ARRDC2: variants seen among roughly 807,000 people sequenced by gnomAD.
ARRDC2 encodes arrestin domain containing 2, also known as arrestin domain-containing protein 2.
ARRDC2 carries 39 observed loss-of-function variants against 38.9 expected under a neutral mutation model. The ratio of observed to expected loss-of-function variants is 1.00; its 90% CI spans 0.78 to 1.31. ARRDC2 has a LOEUF of 1.31. ARRDC2 is among the 50% of genes most tolerant of loss of function. The probability of loss-of-function intolerance (pLI) is 0.00; values close to 1 mark genes in which losing one functional copy is unlikely to be tolerated. For synonymous variants in ARRDC2, 300 were observed against 261.9 expected, an observed-to-expected ratio of 1.15 and a Z score of -1.41; for missense variants, 553 against 588.4, an observed-to-expected ratio of 0.94 and a Z score of 0.62.
Position 18,010,609 on chromosome 19 carries a change from G to C in ARRDC2, c.1050G>C (p.Glu350Asp). 6.2e-7 allele frequency: 1 copy of C among 1,613,852 alleles called. No homozygotes were observed. Among genetic ancestry groups the C allele is most frequent in the Non-Finnish European group, 8.5e-7 (1 of 1,179,988 alleles). ...PEYSEVVADT[E>D]EAALGQSPFP... ...ACTCGGAGGTGGTAGCCGACACTGA[G>C]GAGGCAGCCTTGGGGCAGAGCCCCT... The change falls in exon 7 of 8, where the codon GAG becomes GAC. Residue 350 changes from glutamate to aspartate, a missense_variant. By Grantham distance (45) the Glu-to-Asp change is conservative. Around this residue, in one of 3 missense-constraint regions of ARRDC2, gnomAD observed 100 missense variants for 107.6 expected, o/e 0.93. Coordinates refer to ENST00000222250, the MANE Select transcript of ARRDC2 (RefSeq NM_015683.2).
At position 18,010,006 on chromosome 19, in the gene ARRDC2, C is replaced by A. The variant is rs746198633; in HGVS notation, c.816C>A (p.His272Gln). ...CCCCAGTGGGTCCTTCCATCCTGCA[C>A]TGCCGCGTTCTACACGTGGACTACG... ...RIPPVGPSIL[H>Q]CRVLHVDYAL... The change falls in exon 5 of 8, where the codon CAC becomes CAA. Residue 272 changes from histidine (H) to glutamine (Q), a missense_variant. Physicochemically the swap from His to Gln is conservative, Grantham distance 24 (BLOSUM62 0). Coordinates refer to ENST00000222250, the MANE Select transcript of ARRDC2 (RefSeq NM_015683.2). The A allele has an allele frequency of 2.3e-5, 37 of 1,601,960 alleles. No individual in the cohort carries two copies. Among genetic ancestry groups the A allele is most frequent in the Non-Finnish European group, 2.5e-5 (29 of 1,179,774 alleles).
In ARRDC2 at chr19:18,009,922, G is replaced by A. The variant is rs543819888; in HGVS notation, c.732G>A (p.Ala244=). 2.2e-5 allele frequency: 36 copies of A among 1,606,366 alleles called. No individual in the cohort carries two copies. Among genetic ancestry groups the A allele is most frequent in the African/African-American group, 1.2e-4 (9 of 74,986 alleles). The change falls in exon 5 of 8, where the codon GCG becomes GCA. Residue 244 remains alanine (A), a synonymous_variant. Coordinates refer to ENST00000222250, the MANE Select transcript of ARRDC2 (RefSeq NM_015683.2). ...KQKRAVVASL[A]GEPVGPGQRA... is the part of the protein sequence containing the mutation. ...AACGGGCAGTGGTGGCCAGCCTCGC[G>A]GGCGAGCCGGTGGGCCCCGGGCAGC... is the stretch of plus-strand genomic sequence containing the variant.
chr19:18,001,204 G>C (rs1051442351), exon 1 of ARRDC2: 20 of 1,077,602 alleles, frequency 1.9e-5, no homozygotes, highest in Non-Finnish European at 2.2e-5. Context: ...GGGGCCCGGA[G>C]GAAGCTTGGG....
At position 18,013,035 on chromosome 19, in the gene ARRDC2, G is replaced by T; in HGVS notation, c.*69G>T. On this transcript the variant is annotated 3_prime_UTR_variant, in exon 8 of 8. Coordinates refer to ENST00000222250, the MANE Select transcript of ARRDC2 (RefSeq NM_015683.2). Reference sequence around the variant, plus strand: ...TCAGCCACCATGACTGTGGGGAGTGGCTGGACCAAGGGCTGACCTCCCCGA... The same window carrying T: ...TCAGCCACCATGACTGTGGGGAGTGTCTGGACCAAGGGCTGACCTCCCCGA... The T allele has an allele frequency of 6.5e-7, 1 of 1,548,416 alleles. No homozygotes were observed.
In ARRDC2 at chr19:18,009,765, C is replaced by T. The variant is rs763774506; in HGVS notation, c.593-18C>T. 3.7e-6 allele frequency: 6 copies of T among 1,613,128 alleles called. No homozygotes were observed. The highest frequency in any genetic ancestry group is 5.1e-6 in the Non-Finnish European group (6 of 1,179,802). The stretch of plus-strand genomic sequence containing the variant: ...GTTGCAGGAGGGGAAACTGAGGCCC[C>T]ACTGCTCCTTGCTGCAGGAGAGGTC... On this transcript the variant is annotated intron_variant, in intron 4 of 7. Coordinates refer to ENST00000222250, the MANE Select transcript of ARRDC2 (RefSeq NM_015683.2).
chr19:18,010,713 C>A lies in ARRDC2; in HGVS notation c.1154C>A (p.Pro385Gln). 6.2e-7 allele frequency: 1 copy of A among 1,613,848 alleles called. No homozygotes were observed. The highest frequency in any genetic ancestry group is 1.1e-5 in the South Asian group (1 of 91,092). Residue 385 changes from proline to glutamine, a missense_variant, in exon 7 of 8, where the codon CCA becomes CAA. Pro to Gln is a moderately conservative substitution (Grantham distance 76). Transcript: ENST00000222250. The part of the protein sequence containing the change: ...AYIQEFRYRP[P>Q]PLYSEEDPNP... ...ATCCAAGAGTTCCGCTACCGCCCGC[C>A]ACCCCTGTACTCTGAGGTGAGCTCA...
chr19:18,010,468 C>G lies in ARRDC2; in HGVS notation c.1013-104C>G, dbSNP rs137999515. 1.9e-4 allele frequency: 296 copies of G among 1,553,946 alleles called. No individual in the cohort carries two copies. The African/African-American group carries it at 3.3e-3, about 18-fold the overall frequency. On this transcript the variant is annotated intron_variant, in intron 6 of 7. Coordinates refer to ENST00000222250, the MANE Select transcript of ARRDC2 (RefSeq NM_015683.2). ...CCCGGAATCCCAACCAAAGGACATA[C>G]AGCCTGGCAGCCCCAGAGCTGGCAC...
chr19:18,010,441 C>G, intron 6 of ARRDC2, 83 bp downstream of exon 6: 2 of 1,556,960 alleles, frequency 1.3e-6, no homozygotes, highest in Non-Finnish European at 1.7e-6. Context: ...CACCACGAGT[C>G]CCCCGGAATC....
upstream of ARRDC2, among the ~76,000 whole-genome samples, chr19:18,005,409 A>C (rs1201876178): frequency 2.0e-5 from 3 of 152,122 alleles, no homozygotes; most frequent in South Asian, 2.1e-4. Context: ...CAGACACGGC[A>C]ACCATCCGAT....
At chr19:18,012,217 C>T (rs975232283) in intron 7 of ARRDC2, among the ~76,000 whole-genome samples, 13 of 151,558 alleles carry the variant, frequency 8.6e-5, no homozygotes, top group African/African-American at 2.9e-4. Context: ...CCTTGACCTC[C>T]CAGAATGCTG....
At chr19:18,003,340 C>T (rs1187478931), upstream of ARRDC2, among the ~76,000 whole-genome samples, 1 of 152,040 alleles carries the variant, frequency 6.6e-6, no homozygotes, top group Non-Finnish European at 1.5e-5. Context: ...GATCTCGGCT[C>T]ACTGCAACCT....
rs2033383645 is a variant in ARRDC2, at chr19:18,010,210, C to G, written c.864C>G (p.Ile288Met). The G allele has an allele frequency of 6.2e-7, 1 of 1,613,488 alleles. No homozygotes were observed. Among genetic ancestry groups the G allele is most frequent in the Non-Finnish European group, 8.5e-7 (1 of 1,179,872 alleles). ...CCTTCCTCCAGGTCTGTGTGGATAT[C>G]CCAGGAACGTCCAAGCTGCTGCTGG... ...VDYALKVCVD[I>M]PGTSKLLLEL... The change falls in exon 6 of 8, where the codon ATC (isoleucine) becomes ATG (methionine). Residue 288 changes from isoleucine to methionine, a missense_variant. Ile to Met is a conservative substitution (Grantham distance 10). Coordinates refer to ENST00000222250, the MANE Select transcript of ARRDC2 (RefSeq NM_015683.2).
rs563100760 is a variant in ARRDC2 at position 18,009,090 on chromosome 19, C to T, written c.461C>T (p.Pro154Leu). ...AGGAAGGTGTTCACTGTCATCGAGC[C>T]TGTGGACATCAACACGCCAGCCCTG... ...RARKVFTVIEPVDINTPALLA... is the reference protein window; with the variant it reads ...RARKVFTVIELVDINTPALLA... Residue 154 changes from proline (P) to leucine (L), a missense_variant, in exon 3 of 8, where the codon CCT (proline) becomes CTT (leucine). Physicochemically the swap from Pro to Leu is moderately conservative, Grantham distance 98. This residue lies in a region of ARRDC2 where 447 missense variants were observed against 456.6 expected (regional missense o/e 0.98). Coordinates refer to ENST00000222250, the MANE Select transcript of ARRDC2 (RefSeq NM_015683.2). The T allele has an allele frequency of 1.9e-6, 3 of 1,613,696 alleles. No individual in the cohort carries two copies. Among genetic ancestry groups the T allele is most frequent in the Non-Finnish European group, 8.5e-7 (1 of 1,179,994 alleles).
In ARRDC2 at chr19:18,008,171, A is replaced by AT; in HGVS notation, c.-136dup. On this transcript the variant is annotated 5_prime_UTR_variant, in exon 1 of 8. Transcript: ENST00000222250. ...AGCGGCGCCGACGCACGGCGCGGGGATTTTCTGCTCCGGTTGGTGAGCGCG... is the reference window on the plus strand; with the variant it reads ...AGCGGCGCCGACGCACGGCGCGGGGATTTTTCTGCTCCGGTTGGTGAGCGCG... 3 of 1,042,256 alleles carry AT rather than the reference A, an allele frequency of 2.9e-6. No homozygotes were observed. The highest frequency in any genetic ancestry group is 2.3e-6 in the Non-Finnish European group (2 of 864,342). 64.6% of individuals were successfully genotyped at this position (1,042,256 alleles called of 1,614,324 possible).
chr19:18,006,295 T>C (rs1214328633), upstream of ARRDC2, among the ~76,000 whole-genome samples: 1 of 151,990 alleles, frequency 6.6e-6, no homozygotes, highest in Non-Finnish European at 1.5e-5. Flanking sequence ...GTGGAGGTTG[T>C]AGCGAGCCGA....
upstream of ARRDC2, chr19:18,008,121 A>AAAAAAAACCGCCCCCCC: frequency 2.7e-6 from 1 of 364,080 alleles, no homozygotes; most frequent in Non-Finnish European, 4.2e-6. Context: ...CGGTGACCCC[A>AAAAAAAACCGCCCCCCC]CCCCCCCCCG....
At chr19:18,001,598 C>T (rs2033188100) in intron 1 of ARRDC2, 1 of 1,303,480 alleles carries the variant, frequency 7.7e-7, no homozygotes, top group Non-Finnish European at 9.8e-7. Flanking sequence ...GCGCCGCCCC[C>T]GCAGCAGCCG....
intron 6 of ARRDC2, 41 bp downstream of exon 6, chr19:18,010,399 A>G (rs2033388126): frequency 6.3e-7 from 1 of 1,591,370 alleles, no homozygotes; most frequent in Non-Finnish European, 8.5e-7. Context: ...GTGGGTGGAT[A>G]CACGGAGAGG....
Position 18,012,933 on chromosome 19 carries a change from G to A in ARRDC2, c.1191G>A (p.Leu397=). 1 of 1,613,832 alleles carries A rather than the reference G, an allele frequency of 6.2e-7. No individual in the cohort carries two copies. The highest frequency in any genetic ancestry group is 8.5e-7 in the Non-Finnish European group (1 of 1,179,926). The change falls in exon 8 of 8, where the codon TTG becomes TTA. Residue 397 remains leucine, a synonymous_variant. Coordinates refer to ENST00000222250, the MANE Select transcript of ARRDC2 (RefSeq NM_015683.2). ...CTTAGGAGGATCCAAACCCACTCTT[G>A]GGGGACATGAGGCCGCGCTGCATGA... ...LYSEEDPNPL[L]GDMRPRCMTC
Sources: gnomAD v4.1 joint callset for allele counts (sites outside exome capture counted in the v4.1 genomes callset) on GRCh38, gnomAD v4.1.1 for gene constraint, gnomAD v4.1.1 regional missense constraint, MANE v1.5 for transcripts, NCBI Gene and HGNC (gene_info 2026-07-23, HGNC 2026-07-21) for gene names.